CNOT6: variants seen among roughly 807,000 people sequenced by gnomAD.
CNOT6 encodes carbon catabolite repression 4 protein.
A neutral mutation model predicts 61.2 loss-of-function variants in CNOT6; 12 were observed. The ratio of observed to expected loss-of-function variants is 0.20; its 90% CI spans 0.13 to 0.32. The LOEUF is 0.32. CNOT6 is among the 10% of genes least tolerant of loss of function. The pLI is 1.00. For missense variants in CNOT6, 405 were observed against 663.9 expected, an observed-to-expected ratio of 0.61 and a Z score of 4.28; for synonymous variants, 225 against 240.6, an observed-to-expected ratio of 0.94 and a Z score of 0.60.
chr5:180,537,679 G>A (rs1758767809), intron 2 of CNOT6, among the ~76,000 whole-genome samples: 1 of 151,876 alleles, frequency 6.6e-6, no homozygotes, highest in Non-Finnish European at 1.5e-5. Flanking sequence ...TGACAGTATT[G>A]TGTCTTCATA....
intron 1 of CNOT6, among the ~76,000 whole-genome samples, chr5:180,513,951 C>T (rs1402910819): frequency 6.6e-6 from 1 of 151,944 alleles, no homozygotes; most frequent in South Asian, 2.1e-4. Context: ...ATCTGCCCTC[C>T]TCGGCCTCCC....
intron 2 of CNOT6, among the ~76,000 whole-genome samples, chr5:180,530,625 G>T (rs1758308434): frequency 4.7e-5 from 7 of 148,942 alleles, no homozygotes; most frequent in Admixed American, 4.0e-4. Context: ...AGGGGGATTT[G>T]GCAGGGCCAT....
intron 6 of CNOT6, 120 bp from the exon 7 acceptor site, chr5:180,565,700 A>G: frequency 1.1e-6 from 1 of 911,280 alleles, no homozygotes; most frequent in South Asian, 1.9e-5. Flanking sequence ...GTAGCTTTTC[A>G]GTGACTATAG....
At chr5:180,515,155 C>A (rs543373945) in intron 1 of CNOT6, among the ~76,000 whole-genome samples, 1 of 151,880 alleles carries the variant, frequency 6.6e-6, no homozygotes, top group Non-Finnish European at 1.5e-5. Flanking sequence ...CAGTGGCTCA[C>A]GTCTGTAAAC....
At chr5:180,562,688 C>T (rs374411873) in intron 4 of CNOT6, among the ~76,000 whole-genome samples, 3 of 151,898 alleles carry the variant, frequency 2.0e-5, no homozygotes, top group South Asian at 2.1e-4. Context: ...TGCGGTGAGC[C>T]GAGATGGTGC....
At chr5:180,511,025 G>A (rs192396414) in intron 1 of CNOT6, among the ~76,000 whole-genome samples, 1 of 152,036 alleles carries the variant, frequency 6.6e-6, no homozygotes, top group African/African-American at 2.4e-5. Flanking sequence ...GGCTAGTCTC[G>A]AACTCCTGAC....
At chr5:180,546,671 C>T (rs184285274) in intron 2 of CNOT6, among the ~76,000 whole-genome samples, 13 of 152,332 alleles carry the variant, frequency 8.5e-5, no homozygotes, top group African/African-American at 2.4e-4. Context: ...TACATACCCA[C>T]GTATTCACTA....
intron 1 of CNOT6, among the ~76,000 whole-genome samples, chr5:180,524,905 A>G (rs1561640629): frequency 6.6e-6 from 1 of 152,224 alleles, no homozygotes; most frequent in Non-Finnish European, 1.5e-5. Context: ...GAACAGTGGC[A>G]TTTAGGTGAT....
chr5:180,529,691 G>A (rs1164399242), intron 2 of CNOT6, among the ~76,000 whole-genome samples: 1 of 152,226 alleles, frequency 6.6e-6, no homozygotes, highest in African/African-American at 2.4e-5. Flanking sequence ...TGAAGTGCTA[G>A]TGCCCAGTCA....
chr5:180,527,855 G>A (rs889334163), intron 1 of CNOT6, among the ~76,000 whole-genome samples: 4 of 152,130 alleles, frequency 2.6e-5, no homozygotes, highest in African/African-American at 7.2e-5. Flanking sequence ...GGTCCACCCC[G>A]TCAGATCAGC....
Position 180,576,239 on chromosome 5 carries a change from G to A in CNOT6, c.*2039G>A, listed in dbSNP as rs2127772666. 6.5e-6 allele frequency: 1 copy of A among 152,742 alleles called. No individual in the cohort carries two copies. The highest frequency in any genetic ancestry group is 2.1e-4 in the South Asian group (1 of 4,826). The allele number at this position is 152,742 out of a possible 1,614,324, so 9.5% of individuals were successfully genotyped here. Reference sequence around the variant, plus strand: ...TGCATCATGACAATTTCCAGTGAAGGTGAGCTGGAGCTGGTTGGACTAATG... The same window carrying A: ...TGCATCATGACAATTTCCAGTGAAGATGAGCTGGAGCTGGTTGGACTAATG... On this transcript the variant is annotated 3_prime_UTR_variant, in exon 12 of 12. Transcript: ENST00000261951.
chr5:180,562,095 A>T (rs931950812), intron 4 of CNOT6, among the ~76,000 whole-genome samples: 1 of 152,042 alleles, frequency 6.6e-6, no homozygotes, highest in African/African-American at 2.4e-5. Flanking sequence ...TTTCCATGTT[A>T]CTGGCTTCTT....
At chr5:180,503,714 C>T (rs1206304027) in intron 1 of CNOT6, among the ~76,000 whole-genome samples, 1 of 147,746 alleles carries the variant, frequency 6.8e-6, no homozygotes, top group Non-Finnish European at 1.5e-5. Flanking sequence ...CAAGCGATTC[C>T]CTTGCCTCAG....
chr5:180,530,987 A>G (rs1378074805), intron 2 of CNOT6, among the ~76,000 whole-genome samples: 20 of 152,378 alleles, frequency 1.3e-4, no homozygotes, highest in Non-Finnish European at 2.6e-4. Context: ...ACACAGTAAC[A>G]ATCTGATCTC....
At chr5:180,548,419 G>T (rs890153864) in intron 2 of CNOT6, among the ~76,000 whole-genome samples, 5 of 152,148 alleles carry the variant, frequency 3.3e-5, no homozygotes, top group Non-Finnish European at 7.4e-5. Context: ...GAGCCAGGGA[G>T]TGGGGGGCCC....
At position 180,575,448 on chromosome 5, in the gene CNOT6, T is replaced by G. The variant is rs186754078; in HGVS notation, c.*1248T>G. ...TTTGTCGTCAGTGTCTTTTCCTTAG[T>G]CTTTTTGTTGTTGTTGTTGTTGTTG... On this transcript the variant is annotated 3_prime_UTR_variant, in exon 12 of 12. Transcript: ENST00000261951. 2.2e-4 allele frequency: 33 copies of G among 152,194 alleles called. No homozygotes were observed. Among genetic ancestry groups the G allele is most frequent in the African/African-American group, 7.9e-4 (33 of 41,542 alleles). The allele number at this position is 152,194 out of a possible 1,614,324, so 9.4% of individuals were successfully genotyped here.
intron 2 of CNOT6, among the ~76,000 whole-genome samples, chr5:180,532,385 A>C (rs925474874): frequency 2.6e-5 from 4 of 152,000 alleles, no homozygotes; most frequent in Non-Finnish European, 5.9e-5. Flanking sequence ...ATTCTCCTCC[A>C]CCCTCTCCTC....
chr5:180,528,576 A>C (rs1443246639), intron 1 of CNOT6, among the ~76,000 whole-genome samples: 1 of 152,042 alleles, frequency 6.6e-6, no homozygotes, highest in African/African-American at 2.4e-5. Flanking sequence ...CGGCCTCCCA[A>C]AGTGCTGGGA....
chr5:180,539,337 G>A (rs1223861177), intron 2 of CNOT6, among the ~76,000 whole-genome samples: 1 of 147,086 alleles, frequency 6.8e-6, no homozygotes, highest in Admixed American at 6.8e-5. Context: ...TTTTTTTTTT[G>A]TAGTTATTCA....
Sources: allele counts gnomAD v4.1 joint callset (sites outside exome capture counted in the v4.1 genomes callset), GRCh38; gene constraint gnomAD v4.1.1; transcripts MANE v1.5; gene names NCBI Gene and HGNC (gene_info 2026-07-23, HGNC 2026-07-21).